The following BARHL1 variants were observed in gnomAD, a reference collection of about 807,000 sequenced individuals.
BARHL1 encodes the protein barH-like 1 homeobox protein.
In BARHL1, 2 loss-of-function variants were observed where a neutral mutation model predicts 20.1. The observed-to-expected ratio is 0.10, with a 90% confidence interval of 0.04 to 0.31. The LOEUF is 0.31. BARHL1 is among the 10% of genes least tolerant of loss of function. BARHL1 has a pLI of 1.00. For missense variants in BARHL1, 397 were observed against 454.0 expected (o/e 0.87, Z 1.14); for synonymous variants, 213 against 209.9 (o/e 1.01, Z -0.13).
At chr9:132,586,212 G>T (rs555481949) in intron 1 of BARHL1, among the ~76,000 whole-genome samples, 36 of 152,234 alleles carry the variant, frequency 2.4e-4, no homozygotes, top group Non-Finnish European at 4.7e-4. Flanking sequence ...GTTTCCTACA[G>T]AGAGAAATCA....
chr9:132,586,793 G>A lies in BARHL1; in HGVS notation c.467-536G>A, dbSNP rs116226475. ...GGGGCAACGCCAGGCGGGGCACAAT[G>A]ATCTGTCCTTGAGGACAAAGAGTGA... On this transcript the variant is annotated intron_variant, in intron 1 of 2. Coordinates refer to ENST00000263610, the MANE Select transcript of BARHL1 (RefSeq NM_020064.4). 2.9e-3 allele frequency among the ~76,000 whole-genome samples: 445 copies of A among 152,394 alleles called. 2 individuals carry two copies. Among genetic ancestry groups the A allele is most frequent in the African/African-American group, 1.0e-2 (415 of 41,600 alleles).
chr9:132,584,855 T>G (rs1336364156), intron 1 of BARHL1, among the ~76,000 whole-genome samples: 2 of 152,038 alleles, frequency 1.3e-5, no homozygotes, highest in Non-Finnish European at 2.9e-5. Context: ...GAGACTGGCA[T>G]GGAGAAGGGG....
chr9:132,588,554 G>C (rs984146326), intron 2 of BARHL1, among the ~76,000 whole-genome samples: 1 of 152,054 alleles, frequency 6.6e-6, no homozygotes, highest in Admixed American at 6.5e-5. Context: ...CTAGGGTCCA[G>C]GCCTGACTTC....
In BARHL1 at chr9:132,589,425, C is replaced by T; in HGVS notation, c.887C>T (p.Pro296Leu). ...PPPALQRPLVPRILIHGLQGA... is the reference protein window; with the variant it reads ...PPPALQRPLVLRILIHGLQGA... ...CCTGCTCTCCAGAGACCTCTGGTGC[C>T]CCGCATCCTCATCCACGGACTCCAG... Residue 296 changes from proline to leucine, a missense_variant, in exon 3 of 3, where the codon CCC (proline) becomes CTC (leucine). Pro to Leu is a moderately conservative substitution (Grantham distance 98). Coordinates refer to ENST00000263610, the MANE Select transcript of BARHL1 (RefSeq NM_020064.4). The T allele has an allele frequency of 6.2e-7, 1 of 1,609,622 alleles. No homozygotes were observed. The highest frequency in any genetic ancestry group is 8.5e-7 in the Non-Finnish European group (1 of 1,178,632).
Position 132,589,540 on chromosome 9 carries a change from G to T in BARHL1, c.*18G>T, listed in dbSNP as rs573017447. 3.5e-4 allele frequency: 454 copies of T among 1,284,322 alleles called. No individual in the cohort carries two copies. The highest frequency in any genetic ancestry group is 3.0e-4 in the Non-Finnish European group (301 of 1,019,752). 79.6% of individuals were successfully genotyped at this position (1,284,322 alleles called of 1,614,324 possible). A position where few individuals can be genotyped will look rare whatever the true frequency, so the allele number is the denominator to read the frequency against. On this transcript the variant is annotated 3_prime_UTR_variant, in exon 3 of 3. Transcript: ENST00000263610. Reference sequence around the variant, plus strand: ...CTCGGTGAGGCGCCCGTCGGCTCCGGGGCCTCCTCCCGCGGGCTCGGCGTG... The same window carrying T: ...CTCGGTGAGGCGCCCGTCGGCTCCGTGGCCTCCTCCCGCGGGCTCGGCGTG...
In BARHL1 at chr9:132,587,758, T is replaced by C. The variant is rs1158963592; in HGVS notation, c.689+207T>C. On this transcript the variant is annotated intron_variant, in intron 2 of 2. Coordinates refer to ENST00000263610, the MANE Select transcript of BARHL1 (RefSeq NM_020064.4). The surrounding 1 kb of genome is among the most constrained non-coding windows in gnomAD (Gnocchi z 5.5). ...GGGACAGAGATGAGACTAGACTTGG[T>C]GTCCAGCGTCCAGTCAGCCCTCCCC... Among the ~76,000 whole-genome samples the C allele has an allele frequency of 1.3e-5, 2 of 152,188 alleles. No homozygotes were observed. The highest frequency in any genetic ancestry group is 2.9e-5 in the Non-Finnish European group (2 of 68,034).
In BARHL1 at chr9:132,589,517, C is replaced by A; in HGVS notation, c.979C>A (p.Arg327=). Residue 327 remains arginine, a synonymous_variant, in exon 3 of 3, where the codon CGG becomes AGG. Transcript: ENST00000263610. ...CGTCCTCCCACGCGCCGCGCAGCCT[C>A]GGTGAGGCGCCCGTCGGCTCCGGGG... ...AGVLPRAAQP[R] is the part of the protein sequence containing the mutation. 1.5e-6 allele frequency: 2 copies of A among 1,327,872 alleles called. No homozygotes were observed. The highest frequency in any genetic ancestry group is 1.9e-6 in the Non-Finnish European group (2 of 1,042,900). 82.3% of individuals were successfully genotyped at this position (1,327,872 alleles called of 1,614,324 possible).
At chr9:132,588,152 G>A (rs987215398) in intron 2 of BARHL1, among the ~76,000 whole-genome samples, 2 of 152,154 alleles carry the variant, frequency 1.3e-5, no homozygotes, top group East Asian at 1.9e-4. Flanking sequence ...ACTTGAACTC[G>A]TTTCCTAATT....
At chr9:132,585,113 C>CT (rs1830124184) in intron 1 of BARHL1, among the ~76,000 whole-genome samples, 2 of 152,174 alleles carry the variant, frequency 1.3e-5, no homozygotes, top group Admixed American at 1.3e-4. Context: ...TCTCCTGTCT[C>CT]TGAGGATATC....
rs1360056702 is a variant in BARHL1 at position 132,587,698 on chromosome 9, AG to A, written c.689+151del. ...GTAAAAGTGGGAAACTGAGTCCCTA[AG>A]GGGACAAGGCCTTGCCCAAAGTCCC... On this transcript the variant is annotated intron_variant, in intron 2 of 2. Transcript: ENST00000263610. The surrounding 1 kb of genome is among the most constrained non-coding windows in gnomAD (Gnocchi z 5.5). 1.2e-5 allele frequency: 9 copies of A among 773,538 alleles called. No individual in the cohort carries two copies. Among genetic ancestry groups the A allele is most frequent in the Non-Finnish European group, 1.9e-5 (9 of 485,204 alleles). 47.9% of individuals were successfully genotyped at this position (773,538 alleles called of 1,614,324 possible).
At position 132,582,970 on chromosome 9, in the gene BARHL1, G is replaced by C. The variant is rs1273586640; in HGVS notation, c.173G>C (p.Cys58Ser). ...CSSPASPGRD[C>S]LETGTPRPGG... ...TCGCCAGCCTCTCCAGGAAGGGACT[G>C]TTTGGAGACGGGGACCCCACGGCCT... The change falls in exon 1 of 3, where the codon TGT becomes TCT. Residue 58 changes from cysteine to serine, a missense_variant. Transcript: ENST00000263610. 6.2e-7 allele frequency: 1 copy of C among 1,613,916 alleles called. No homozygotes were observed. Among genetic ancestry groups the C allele is most frequent in the Non-Finnish European group, 8.5e-7 (1 of 1,179,950 alleles).
In BARHL1 at chr9:132,589,446, T is replaced by G. The variant is rs912595783; in HGVS notation, c.908T>G (p.Leu303Arg). Residue 303 changes from leucine to arginine, a missense_variant, in exon 3 of 3, where the codon CTC becomes CGC. Physicochemically the swap from Leu to Arg is moderately radical, Grantham distance 102 (BLOSUM62 -2). Transcript: ENST00000263610. ...GTGCCCCGCATCCTCATCCACGGAC[T>G]CCAGGGCGCCAGCGAGCCGCCCCCG... ...PLVPRILIHG[L>R]QGASEPPPPL... 3 of 1,567,714 alleles carry G rather than the reference T, an allele frequency of 1.9e-6. No homozygotes were observed. The highest frequency in any genetic ancestry group is 1.8e-5 in the Admixed American group (1 of 54,606).
Position 132,582,638 on chromosome 9 carries a change from C to T in BARHL1, c.-160C>T. 1 of 653,120 alleles carries T rather than the reference C, an allele frequency of 1.5e-6. No homozygotes were observed. The highest frequency in any genetic ancestry group is 2.0e-5 in the South Asian group (1 of 49,620). 40.5% of individuals were successfully genotyped at this position (653,120 alleles called of 1,614,324 possible). A position where few individuals can be genotyped will look rare whatever the true frequency, so the allele number is the denominator to read the frequency against. On this transcript the variant is annotated 5_prime_UTR_variant, in exon 1 of 3. Transcript: ENST00000263610. ...ATCTAATGCGCAGAGGAGGTTGGCC[C>T]AGAGCTCCCGGGCTCCCCCAAGGCT...
At position 132,587,568 on chromosome 9, in the gene BARHL1, G is replaced by A; in HGVS notation, c.689+17G>A. 1 of 1,594,690 alleles carries A rather than the reference G, an allele frequency of 6.3e-7. No individual in the cohort carries two copies. The highest frequency in any genetic ancestry group is 8.5e-7 in the Non-Finnish European group (1 of 1,169,942). On this transcript the variant is annotated intron_variant, in intron 2 of 2. Coordinates refer to ENST00000263610, the MANE Select transcript of BARHL1 (RefSeq NM_020064.4). The surrounding 1 kb of genome is among the most constrained non-coding windows in gnomAD (Gnocchi z 5.5). ...GAACCGCAGGTGAGGCCTGGCTGCG[G>A]GGGTAGAGGCAGAAAGGGAACTTCC...
In BARHL1 at chr9:132,589,386, C is replaced by G; in HGVS notation, c.848C>G (p.Pro283Arg). 1.9e-6 allele frequency: 3 copies of G among 1,612,728 alleles called. No individual in the cohort carries two copies. The highest frequency in any genetic ancestry group is 1.7e-6 in the Non-Finnish European group (2 of 1,179,764). ...GCGGCGCTCTACCTGTACCGCGGCC[C>G]CAGCGCGCCGCCGCCTGCTCTCCAG... Reference protein sequence around the residue: ...PGAALYLYRGPSAPPPALQRP... With the variant: ...PGAALYLYRGRSAPPPALQRP... The change falls in exon 3 of 3, where the codon CCC becomes CGC. Residue 283 changes from proline (P) to arginine (R), a missense_variant. Physicochemically the swap from Pro to Arg is moderately radical, Grantham distance 103. Around this residue, in one of 3 missense-constraint regions of BARHL1, gnomAD observed 121 missense variants for 135.9 expected, o/e 0.89. Transcript: ENST00000263610.
Position 132,589,130 on chromosome 9 carries a change from C to T in BARHL1, c.690-98C>T, listed in dbSNP as rs559189150. ...AACAAATGAGTACGATCCCTCTTGG[C>T]CTCCCTACAGGCTCTCTGGGCCAAG... On this transcript the variant is annotated intron_variant, in intron 2 of 2. Coordinates refer to ENST00000263610, the MANE Select transcript of BARHL1 (RefSeq NM_020064.4). The T allele has an allele frequency of 6.2e-5, 93 of 1,498,218 alleles. 1 individual carries two copies. The South Asian group carries it at 1.3e-3, about 21-fold the overall frequency. The allele number at this position is 1,498,218 out of a possible 1,614,324, so 92.8% of individuals were successfully genotyped here.
chr9:132,586,918 CTG>C (rs1380569194), intron 1 of BARHL1, among the ~76,000 whole-genome samples: 1 of 152,256 alleles, frequency 6.6e-6, no homozygotes, highest in African/African-American at 2.4e-5. Flanking sequence ...GCCGGAGAAA[CTG>C]GGGCCCAGAC....
At position 132,589,601 on chromosome 9, in the gene BARHL1, G is replaced by T; in HGVS notation, c.*79G>T. 1 of 1,235,344 alleles carries T rather than the reference G, an allele frequency of 8.1e-7. No individual in the cohort carries two copies. The highest frequency in any genetic ancestry group is 3.8e-5 in the South Asian group (1 of 26,520). The allele number at this position is 1,235,344 out of a possible 1,614,324, so 76.5% of individuals were successfully genotyped here. A position where few individuals can be genotyped will look rare whatever the true frequency, so the allele number is the denominator to read the frequency against. Reference sequence around the variant, plus strand: ...CCCGCCTTTCTGAGGGCGCAGGTTCGACGCCCTTTCCCGGGAGGGGGCCCT... The same window carrying T: ...CCCGCCTTTCTGAGGGCGCAGGTTCTACGCCCTTTCCCGGGAGGGGGCCCT... On this transcript the variant is annotated 3_prime_UTR_variant, in exon 3 of 3. Coordinates refer to ENST00000263610, the MANE Select transcript of BARHL1 (RefSeq NM_020064.4).
In BARHL1 at chr9:132,582,837, TC is replaced by T; in HGVS notation, c.43del (p.His15ThrfsTer24). 6.2e-7 allele frequency: 1 copy of T among 1,608,154 alleles called. No individual in the cohort carries two copies. Among genetic ancestry groups the T allele is most frequent in the Non-Finnish European group, 8.5e-7 (1 of 1,176,920 alleles). On this transcript the variant is annotated frameshift_variant, in exon 1 of 3. Coordinates refer to ENST00000263610, the MANE Select transcript of BARHL1 (RefSeq NM_020064.4). LOFTEE classifies it high-confidence loss of function. ...TGGCTTTGGGATCGACTCCATTCTC[TC>T]CCACCGCGCGGGCAGCCCCGCCCTT... ...SNGFGIDSIL[S>X]HRAGSPALPK...
Sources: gnomAD v4.1 joint callset for allele counts (sites outside exome capture counted in the v4.1 genomes callset) on GRCh38, gnomAD v4.1.1 for gene constraint, gnomAD v4.1.1 regional missense constraint, Gnocchi (gnomAD v3.1) non-coding constraint, MANE v1.5 for transcripts, NCBI Gene and HGNC (gene_info 2026-07-23, HGNC 2026-07-21) for gene names.